The following TPST1 variants were observed in gnomAD, a reference collection of about 807,000 sequenced individuals.
The protein encoded by TPST1 is tyrosylprotein sulfotransferase 1, also known as protein-tyrosine sulfotransferase 1.
In TPST1, 20 loss-of-function variants were observed where a neutral mutation model predicts 34.8. The observed-to-expected ratio is 0.57, with a 90% CI of 0.40 to 0.84. TPST1 has a LOEUF of 0.84. Ranked by LOEUF, TPST1 falls within the 40% of genes least tolerant of loss-of-function variation. The pLI is 0.00. For missense variants in TPST1, 353 were observed against 455.5 expected, an observed-to-expected ratio of 0.78 and a Z score of 2.05; for synonymous variants, 152 against 159.4, an observed-to-expected ratio of 0.95 and a Z score of 0.35.
At chr7:66,326,714 A>G (rs574872066) in intron 3 of TPST1, among the ~76,000 whole-genome samples, 3 of 152,258 alleles carry the variant, frequency 2.0e-5, no homozygotes, top group South Asian at 4.1e-4. Context: ...TCACATTCCA[A>G]TCCATCTTGT....
intron 3 of TPST1, among the ~76,000 whole-genome samples, chr7:66,335,067 C>G (rs1224169182): frequency 6.6e-6 from 1 of 152,168 alleles, no homozygotes; most frequent in Non-Finnish European, 1.5e-5. Context: ...CTTAGTGCCA[C>G]TGGGGTGTAA....
chr7:66,287,533 T>C lies in TPST1; in HGVS notation c.1044+824T>C, dbSNP rs1044759008. On this transcript the variant is annotated intron_variant, in intron 3 of 5. Transcript: ENST00000304842. ...CAGCACCTGTTGTTTCCTGACTTTT[T>C]AATGATTGCCATTCTACCTGGTGTG... Among the ~76,000 whole-genome samples the C allele has an allele frequency of 1.8e-4, 10 of 55,638 alleles. 3 individuals are homozygous for C. The highest frequency in any genetic ancestry group is 9.8e-4 in the African/African-American group (10 of 10,178). 36.5% of individuals were successfully genotyped at this position (55,638 alleles called of 152,430 possible).
chr7:66,354,647 A>G (rs1223535250), intron 4 of TPST1, among the ~76,000 whole-genome samples: 4 of 152,172 alleles, frequency 2.6e-5, no homozygotes, highest in Non-Finnish European at 5.9e-5. Flanking sequence ...AACATACCTA[A>G]AAATATTTCC....
At chr7:66,338,913 A>C (rs549404317) in intron 3 of TPST1, among the ~76,000 whole-genome samples, 90 of 152,098 alleles carry the variant, frequency 5.9e-4, no homozygotes, top group African/African-American at 2.1e-3. Flanking sequence ...AACCAAACAA[A>C]CCCCCAATTT....
intron 1 of TPST1, 83 bp from the exon 2 acceptor site, chr7:66,240,240 ACC>A (rs1194918582): frequency 5.6e-6 from 4 of 718,366 alleles, no homozygotes; most frequent in Non-Finnish European, 8.8e-6. Flanking sequence ...GCTTCTTTCT[ACC>A]TAAAATGCAG....
At chr7:66,253,528 T>C (rs964339849) in intron 2 of TPST1, among the ~76,000 whole-genome samples, 22 of 151,810 alleles carry the variant, frequency 1.4e-4, no homozygotes, top group South Asian at 1.3e-3. Context: ...TGTGCCACCA[T>C]GCCTGGCTAA....
In TPST1 at chr7:66,309,064, A is replaced by G. The variant is rs371006579; in HGVS notation, c.1044+22355A>G. 2.0e-5 allele frequency among the ~76,000 whole-genome samples: 3 copies of G among 152,104 alleles called. No individual in the cohort carries two copies. In the East Asian group the frequency reaches 5.8e-4, roughly 29 times the overall value. On this transcript the variant is annotated intron_variant, in intron 3 of 5. Coordinates refer to ENST00000304842, the MANE Select transcript of TPST1 (RefSeq NM_003596.4). Reference sequence around the variant, plus strand: ...AGGTGCCCGACACCATGCCCAGCTAATTTTTGTATTTTTAGTAGAGACAGG... The same window carrying G: ...AGGTGCCCGACACCATGCCCAGCTAGTTTTTGTATTTTTAGTAGAGACAGG...
chr7:66,207,925 ATTG>A (rs1415373116), intron 1 of TPST1, among the ~76,000 whole-genome samples: 4 of 152,034 alleles, frequency 2.6e-5, no homozygotes, highest in East Asian at 3.8e-4. Context: ...CATAGATCCT[ATTG>A]TTGTTGCTAC....
chr7:66,306,359 G>A (rs1429790835), intron 3 of TPST1, among the ~76,000 whole-genome samples: 2 of 152,184 alleles, frequency 1.3e-5, no homozygotes, highest in African/African-American at 2.4e-5. Context: ...TTTGTCCTGT[G>A]CATGTGTGAT....
intron 3 of TPST1, among the ~76,000 whole-genome samples, chr7:66,328,774 G>A (rs7785117): frequency 0.21 from 30,319 of 146,698 alleles, 3,602 homozygotes; most frequent in East Asian, 0.3. Context: ...TGAACTCCTG[G>A]CATCAAGTGA....
Position 66,356,836 on chromosome 7 carries a change from G to A in TPST1, c.1107G>A (p.Val369=), listed in dbSNP as rs757366223. The A allele has an allele frequency of 1.9e-6, 3 of 1,614,166 alleles. No homozygotes were observed. The South Asian group carries it at 3.3e-5, about 18-fold the overall frequency. Residue 369 remains valine, a synonymous_variant, in exon 5 of 6, where the codon GTG becomes GTA. Coordinates refer to ENST00000304842, the MANE Select transcript of TPST1 (RefSeq NM_003596.4). ...CTTTCCTTCAACAGACTGAGCAAGT[G>A]GAGTAGCAGAACCAGGAGCCTCTTC... ...FLKEKPQTEQ[V]E
intron 2 of TPST1, among the ~76,000 whole-genome samples, chr7:66,245,688 A>G (rs1426682020): frequency 6.6e-6 from 1 of 152,232 alleles, no homozygotes; most frequent in African/African-American, 2.4e-5. Flanking sequence ...TAACAGAAAG[A>G]TAACTCAATA....
upstream of TPST1, among the ~76,000 whole-genome samples, chr7:66,201,781 C>T (rs188820683): frequency 1.3e-3 from 198 of 149,336 alleles, no homozygotes; most frequent in Non-Finnish European, 2.6e-3. Flanking sequence ...TGAGCCCAGG[C>T]GTTTGAGGCT....
Position 66,241,239 on chromosome 7 carries a change from A to AT in TPST1, c.816dup (p.Gly273TrpfsTer55), listed in dbSNP as rs765430206. 6.2e-7 allele frequency: 1 copy of AT among 1,610,478 alleles called. No homozygotes were observed. The highest frequency in any genetic ancestry group is 1.1e-5 in the South Asian group (1 of 90,350). On this transcript the variant is annotated frameshift_variant, in exon 2 of 6. Coordinates refer to ENST00000304842, the MANE Select transcript of TPST1 (RefSeq NM_003596.4). LOFTEE classifies it high-confidence loss of function. ...CTCAGTATTGCACCATGAAGAGATG[A>AT]TTGGGAAAGCTGGGGGAGTGTCTCT...
rs186044597 is a variant in TPST1 at position 66,332,829 on chromosome 7, C to T, written c.1045-19676C>T. ...TATACAGGAGGATATGTGTATGTTA[C>T]GTGCAAATACTACACCATTTTATAT... On this transcript the variant is annotated intron_variant, in intron 3 of 5. Coordinates refer to ENST00000304842, the MANE Select transcript of TPST1 (RefSeq NM_003596.4). This position sits in a 1 kb window ranked among gnomAD's most constrained non-coding sequence, Gnocchi z 4.5. 4.0e-4 allele frequency among the ~76,000 whole-genome samples: 61 copies of T among 152,208 alleles called. No homozygotes were observed. The highest frequency in any genetic ancestry group is 1.4e-3 in the African/African-American group (57 of 41,524).
chr7:66,207,819 T>TAGCC (rs2116196330), intron 1 of TPST1, among the ~76,000 whole-genome samples: 1 of 152,276 alleles, frequency 6.6e-6, no homozygotes, highest in South Asian at 2.1e-4. Context: ...TCTCCACCCA[T>TAGCC]AGCCCCCTTT....
chr7:66,240,447 A>C lies in TPST1; in HGVS notation c.22A>C (p.Asn8His). The C allele has an allele frequency of 6.2e-7, 1 of 1,613,974 alleles. No homozygotes were observed. The highest frequency in any genetic ancestry group is 1.1e-5 in the South Asian group (1 of 91,050). The change falls in exon 2 of 6, where the codon AAC becomes CAC. Residue 8 changes from asparagine to histidine, a missense_variant. By Grantham distance (68) the Asn-to-His change is moderately conservative. Coordinates refer to ENST00000304842, the MANE Select transcript of TPST1 (RefSeq NM_003596.4). ...CAAGATGGTTGGAAAGCTGAAGCAGAACTTACTATTGGCATGTCTGGTGAT... is the reference window on the plus strand; with the variant it reads ...CAAGATGGTTGGAAAGCTGAAGCAGCACTTACTATTGGCATGTCTGGTGAT... The part of the protein sequence containing the change: MVGKLKQ[N>H]LLLACLVISS...
At chr7:66,234,152 C>G (rs1368770488) in intron 1 of TPST1, among the ~76,000 whole-genome samples, 2 of 151,932 alleles carry the variant, frequency 1.3e-5, no homozygotes, top group Admixed American at 1.3e-4. Flanking sequence ...GCCACCATGC[C>G]TGGCCTACTT....
At chr7:66,204,776 T>C (rs78581407), upstream of TPST1, among the ~76,000 whole-genome samples, 80 of 152,378 alleles carry the variant, frequency 5.3e-4, no homozygotes, top group African/African-American at 1.8e-3. Flanking sequence ...GGAGGGACTA[T>C]TGCACGTCTA....
Sources: gnomAD v4.1 joint callset for allele counts (sites outside exome capture counted in the v4.1 genomes callset) on GRCh38, gnomAD v4.1.1 for gene constraint, Gnocchi (gnomAD v3.1) non-coding constraint, MANE v1.5 for transcripts, NCBI Gene and HGNC (gene_info 2026-07-23, HGNC 2026-07-21) for gene names.